Variants in SLCO1A2 observed in about 807,000 individuals in gnomAD.
SLCO1A2 encodes the protein OATP-1.
Under a neutral mutation model 69.0 loss-of-function variants are expected in SLCO1A2, and 67 were observed. The observed-to-expected ratio is 0.97, with a 90% CI of 0.80 to 1.19. The LOEUF is 1.19. SLCO1A2 is among the 50% of genes most tolerant of loss of function. SLCO1A2 has a pLI of 0.00. For synonymous variants in SLCO1A2, 260 were observed against 265.9 expected, an observed-to-expected ratio of 0.98 and a Z score of 0.22; for missense variants, 787 against 793.7, an observed-to-expected ratio of 0.99 and a Z score of 0.10.
rs552569674 is a variant in SLCO1A2 at position 21,307,591 on chromosome 12, T to G, written c.336-603A>C. Among the ~76,000 whole-genome samples, 3 of 152,334 alleles carry G rather than the reference T, an allele frequency of 2.0e-5. No homozygotes were observed. In the South Asian group the frequency reaches 6.2e-4, roughly 32 times the overall value. On this transcript the variant is annotated intron_variant, in intron 4 of 14. Coordinates refer to ENST00000683939, the MANE Select transcript of SLCO1A2 (RefSeq NM_001386879.1). ...TCTCTTCTCATAAGAACAAATGGAT[T>G]AATAAACTATGACCATTTAATTTAA...
Position 21,362,818 on chromosome 12 carries a change from C to A in SLCO1A2, c.-63+11581G>T, listed in dbSNP as rs546443192. Reference sequence around the variant, plus strand: ...AGACAAGGCCATTACATAATGGTAACAGGATCAATTCAACAAGAAGAGCTA... The same window carrying A: ...AGACAAGGCCATTACATAATGGTAAAAGGATCAATTCAACAAGAAGAGCTA... On this transcript the variant is annotated intron_variant, in intron 2 of 15. Coordinates refer to the SLCO1A2 transcript ENST00000307378. Among the ~76,000 whole-genome samples the A allele has an allele frequency of 4.6e-5, 7 of 152,214 alleles. No homozygotes were observed. In the South Asian group the frequency reaches 1.0e-3, roughly 23 times the overall value.
intron 12 of SLCO1A2, among the ~76,000 whole-genome samples, chr12:21,285,412 C>T (rs4947050): frequency 0.014 from 2,076 of 146,034 alleles, 42 homozygotes; most frequent in African/African-American, 0.05. Flanking sequence ...GATTCACAGC[C>T]GAATTCTACC....
intron 12 of SLCO1A2, among the ~76,000 whole-genome samples, chr12:21,276,597 C>T (rs899548880): frequency 2.6e-5 from 4 of 151,400 alleles, no homozygotes; most frequent in Admixed American, 2.6e-4. Flanking sequence ...GGTGAGCACT[C>T]ACAATACCTG....
intron 14 of SLCO1A2, chr12:21,274,209 T>A (rs1393693700): frequency 1.2e-5 from 4 of 347,204 alleles, no homozygotes; most frequent in Non-Finnish European, 2.1e-5. Flanking sequence ...TGTTGACTGC[T>A]AAGAATTTAA....
intron 2 of SLCO1A2, among the ~76,000 whole-genome samples, chr12:21,350,196 A>G (rs1009929259): frequency 1.2e-4 from 18 of 152,046 alleles, no homozygotes; most frequent in African/African-American, 4.1e-4. Context: ...TTAAAAATGT[A>G]TATAGTCTTA....
chr12:21,361,571 A>C (rs1306743246), intron 2 of SLCO1A2, among the ~76,000 whole-genome samples: 1 of 152,118 alleles, frequency 6.6e-6, no homozygotes, highest in Admixed American at 6.6e-5. Context: ...AGGCTTCAGA[A>C]GATTGGTAAT....
upstream of SLCO1A2, among the ~76,000 whole-genome samples, chr12:21,336,611 T>C (rs1226434115): frequency 6.6e-6 from 1 of 152,040 alleles, no homozygotes; most frequent in Non-Finnish European, 1.5e-5. Context: ...TTCAGATACA[T>C]TTCAAACATC....
At chr12:21,339,516 C>G (rs539698312), upstream of SLCO1A2, among the ~76,000 whole-genome samples, 3 of 151,994 alleles carry the variant, frequency 2.0e-5, no homozygotes, top group African/African-American at 7.2e-5. Context: ...TGAAGACAGT[C>G]TCTATCTTTG....
intron 1 of SLCO1A2, among the ~76,000 whole-genome samples, chr12:21,408,836 A>G (rs1941864788): frequency 6.6e-6 from 1 of 152,108 alleles, no homozygotes; most frequent in Non-Finnish European, 1.5e-5. Context: ...AACAAATAGG[A>G]TGGAGAAACT....
upstream of SLCO1A2, among the ~76,000 whole-genome samples, chr12:21,338,185 C>T (rs1182491353): frequency 6.6e-6 from 1 of 151,944 alleles, no homozygotes; most frequent in Non-Finnish European, 1.5e-5. Context: ...ATTTTCCACA[C>T]TTGATAACAG....
upstream of SLCO1A2, among the ~76,000 whole-genome samples, chr12:21,398,512 C>T (rs1284782979): frequency 1.3e-5 from 2 of 151,348 alleles, no homozygotes; most frequent in East Asian, 3.9e-4. Context: ...GGAATCCTCC[C>T]TAACTCATTT....
At chr12:21,395,411 G>C (rs1241672582) in exon 1 of SLCO1A2, 1 of 153,390 alleles carries the variant, frequency 6.5e-6, no homozygotes, top group Non-Finnish European at 1.4e-5. Flanking sequence ...ACAGCAGTCT[G>C]AGATCAAACT....
intron 12 of SLCO1A2, among the ~76,000 whole-genome samples, chr12:21,279,813 T>C (rs1157971909): frequency 6.6e-6 from 1 of 152,134 alleles, no homozygotes; most frequent in Non-Finnish European, 1.5e-5. Flanking sequence ...ATTATAACAC[T>C]GTAACTGTGA....
intron 2 of SLCO1A2, among the ~76,000 whole-genome samples, chr12:21,343,836 T>C (rs1953157306): frequency 6.6e-6 from 1 of 151,998 alleles, no homozygotes; most frequent in Non-Finnish European, 1.5e-5. Flanking sequence ...GGAATGGAAA[T>C]AGGGCAGAGC....
chr12:21,378,573 T>C (rs754113566), intron 1 of SLCO1A2: 17 of 663,380 alleles, frequency 2.6e-5, no homozygotes, highest in Non-Finnish European at 4.3e-5. Context: ...AAGATTGTTT[T>C]ATATGTAGTA....
intron 11 of SLCO1A2, among the ~76,000 whole-genome samples, chr12:21,293,257 C>T (rs1947175257): frequency 6.6e-6 from 1 of 152,046 alleles, no homozygotes; most frequent in Non-Finnish European, 1.5e-5. Flanking sequence ...GAGCCGAGAT[C>T]ATGCCACTGC....
chr12:21,279,192 A>C (rs1217530574), intron 12 of SLCO1A2, among the ~76,000 whole-genome samples: 1 of 152,098 alleles, frequency 6.6e-6, no homozygotes, highest in Non-Finnish European at 1.5e-5. Flanking sequence ...AAAAAAAGTG[A>C]AGTGCACCTA....
At chr12:21,373,072 A>G (rs1939917642) in intron 2 of SLCO1A2, 1 of 408,904 alleles carries the variant, frequency 2.4e-6, no homozygotes, top group South Asian at 3.3e-5. Context: ...TGTTAAATTC[A>G]TGGTTTATTT....
chr12:21,416,032 T>C (rs1053670494), intron 1 of SLCO1A2, among the ~76,000 whole-genome samples: 1 of 152,192 alleles, frequency 6.6e-6, no homozygotes, highest in African/African-American at 2.4e-5. Flanking sequence ...CATAGTATCC[T>C]CTGTTCTTTT....
Sources: allele counts gnomAD v4.1 joint callset (sites outside exome capture counted in the v4.1 genomes callset), GRCh38; gene constraint gnomAD v4.1.1; transcripts MANE v1.5; gene names NCBI Gene and HGNC (gene_info 2026-07-23, HGNC 2026-07-21).